Variants in FOXP2 observed in about 807,000 individuals in gnomAD.
The protein encoded by FOXP2 is forkhead box P2.
A neutral mutation model predicts 115.8 loss-of-function variants in FOXP2; 12 were observed. The observed-to-expected ratio is 0.10, with a 90% CI of 0.07 to 0.17. The LOEUF (loss-of-function observed/expected upper bound fraction) is 0.17. Among genes scored for constraint, FOXP2 ranks in the 10% least tolerant of loss-of-function variants. The probability of loss-of-function intolerance (pLI) is 1.00; values close to 1 mark genes in which losing one functional copy is unlikely to be tolerated. For synonymous variants in FOXP2, 328 were observed against 297.7 expected (o/e 1.10, Z -1.05); for missense variants, 629 against 843.5 (o/e 0.75, Z 3.15).
chr7:114,371,768 A>G (rs1388452670), intron 2 of FOXP2, among the ~76,000 whole-genome samples: 3 of 152,292 alleles, frequency 2.0e-5, no homozygotes, highest in African/African-American at 7.2e-5. Flanking sequence ...ATGTTTAAAC[A>G]GTAAATGAAT....
At chr7:114,254,746 C>T (rs1235861769) in intron 1 of FOXP2, among the ~76,000 whole-genome samples, 9 of 152,196 alleles carry the variant, frequency 5.9e-5, no homozygotes, top group Non-Finnish European at 8.8e-5. Flanking sequence ...GAATTTCCTC[C>T]TTTAGCTCAG....
chr7:114,583,401 C>T (rs1364265791), intron 3 of FOXP2, among the ~76,000 whole-genome samples: 1 of 151,774 alleles, frequency 6.6e-6, no homozygotes, highest in Non-Finnish European at 1.5e-5. Flanking sequence ...AAACAAGAAA[C>T]TTTTCTTTAT....
intron 1 of FOXP2, among the ~76,000 whole-genome samples, chr7:114,102,596 A>G (rs1031634590): frequency 1.4e-5 from 2 of 140,282 alleles, no homozygotes; most frequent in Non-Finnish European, 3.2e-5. Flanking sequence ...TAAACATGTA[A>G]AAAAAAAAAA....
chr7:114,691,371 C>T lies in FOXP2; in HGVS notation c.*1445C>T, dbSNP rs1163669157. The T allele has an allele frequency of 2.2e-6, 1 of 453,838 alleles. No homozygotes were observed. The highest frequency in any genetic ancestry group is 4.4e-6 in the Non-Finnish European group (1 of 226,716). 28.1% of individuals were successfully genotyped at this position (453,838 alleles called of 1,614,324 possible). A position where few individuals can be genotyped will look rare whatever the true frequency, so the allele number is the denominator to read the frequency against. On this transcript the variant is annotated 3_prime_UTR_variant, in exon 17 of 17. Coordinates refer to ENST00000350908, the MANE Select transcript of FOXP2 (RefSeq NM_014491.4). The stretch of plus-strand genomic sequence containing the variant: ...TCTAGCTGAGTTTTTACACTGAAAG[C>T]AAAGATTATAGCAATTGTAGTCCAT...
chr7:114,089,679 T>C (rs915212722), intron 1 of FOXP2, among the ~76,000 whole-genome samples: 2 of 151,944 alleles, frequency 1.3e-5, no homozygotes, highest in Non-Finnish European at 2.9e-5. Context: ...GATAAACCTT[T>C]GTAATTTTCT....
chr7:114,476,745 C>A (rs1796284995), intron 2 of FOXP2, among the ~76,000 whole-genome samples: 1 of 151,996 alleles, frequency 6.6e-6, no homozygotes, highest in Non-Finnish European at 1.5e-5. Context: ...TTCTCCCAAA[C>A]TGTGAGCATG....
chr7:114,601,733 CAT>C (rs1803037139), intron 3 of FOXP2, among the ~76,000 whole-genome samples: 1 of 151,986 alleles, frequency 6.6e-6, no homozygotes, highest in Non-Finnish European at 1.5e-5. Flanking sequence ...ACTTTTAACA[CAT>C]AGATTACTTA....
At chr7:114,677,260 A>C (rs779709266) in intron 16 of FOXP2, among the ~76,000 whole-genome samples, 41 of 152,132 alleles carry the variant, frequency 2.7e-4, no homozygotes, top group Non-Finnish European at 7.4e-5. Context: ...CATTTCTAAG[A>C]CCTGATTGAA....
chr7:114,580,460 C>T (rs777850384), intron 3 of FOXP2, among the ~76,000 whole-genome samples: 1 of 152,068 alleles, frequency 6.6e-6, no homozygotes, highest in Non-Finnish European at 1.5e-5. Context: ...TTCCTGTAGT[C>T]CCAGCTACTT....
intron 1 of FOXP2, among the ~76,000 whole-genome samples, chr7:114,276,221 T>G (rs981237333): frequency 6.6e-6 from 1 of 151,350 alleles, no homozygotes; most frequent in Non-Finnish European, 1.5e-5. Flanking sequence ...TGAATTGGTG[T>G]GATCTCGGCT....
chr7:114,593,314 G>A (rs1489605737), intron 3 of FOXP2, among the ~76,000 whole-genome samples: 2 of 151,840 alleles, frequency 1.3e-5, no homozygotes, highest in African/African-American at 4.8e-5. Flanking sequence ...TAGAGAGAGA[G>A]GGAGTCTGTG....
chr7:114,611,517 T>C (rs1326414656), intron 3 of FOXP2, among the ~76,000 whole-genome samples: 1 of 152,236 alleles, frequency 6.6e-6, no homozygotes, highest in Non-Finnish European at 1.5e-5. Context: ...AGTGACATGA[T>C]GATCTAGCTT....
chr7:114,278,254 A>G (rs147513271), intron 1 of FOXP2, among the ~76,000 whole-genome samples: 179 of 152,274 alleles, frequency 1.2e-3, no homozygotes, highest in Non-Finnish European at 1.8e-3. Context: ...TGGATTATCT[A>G]TATTATAATA....
At chr7:114,106,793 G>A (rs1584482480) in intron 1 of FOXP2, among the ~76,000 whole-genome samples, 1 of 151,962 alleles carries the variant, frequency 6.6e-6, no homozygotes, top group South Asian at 2.1e-4. Context: ...GCTATTAGAT[G>A]TGGCAAAACT....
chr7:114,301,891 T>C (rs531223589), intron 2 of FOXP2, among the ~76,000 whole-genome samples: 46 of 152,278 alleles, frequency 3.0e-4, no homozygotes, highest in African/African-American at 1.1e-3. Flanking sequence ...TGTGGCTTTC[T>C]GCCATACTTT....
intron 16 of FOXP2, among the ~76,000 whole-genome samples, chr7:114,675,952 G>A (rs957323424): frequency 2.0e-5 from 3 of 150,970 alleles, no homozygotes; most frequent in Non-Finnish European, 3.0e-5. Flanking sequence ...CTGTGTAGCC[G>A]AGGCTGGAGT....
At chr7:114,644,597 G>A (rs1198443349) in intron 7 of FOXP2, 88 bp from the exon 8 acceptor site, 3 of 1,082,878 alleles carry the variant, frequency 2.8e-6, no homozygotes, top group Non-Finnish European at 1.4e-6. Context: ...TGACCTGTTT[G>A]TCACTGATCG....
intron 2 of FOXP2, among the ~76,000 whole-genome samples, chr7:114,524,301 TA>T (rs1200538514): frequency 6.6e-6 from 1 of 152,128 alleles, no homozygotes; most frequent in Admixed American, 6.6e-5. Flanking sequence ...TTTATCTTCA[TA>T]AAAAATAAAG....
intron 2 of FOXP2, among the ~76,000 whole-genome samples, chr7:114,350,872 A>C (rs190131064): frequency 1.3e-5 from 2 of 152,266 alleles, no homozygotes; most frequent in East Asian, 3.9e-4. Context: ...AAATACCAAA[A>C]TCCAGGGATG....
Sources: allele counts gnomAD v4.1 joint callset (sites outside exome capture counted in the v4.1 genomes callset), GRCh38; gene constraint gnomAD v4.1.1; transcripts MANE v1.5; gene names NCBI Gene and HGNC (gene_info 2026-07-23, HGNC 2026-07-21).